SPATA22: variants seen among roughly 807,000 people sequenced by gnomAD.
The protein encoded by SPATA22 is spermatogenesis-associated protein 22.
In SPATA22, 29 loss-of-function variants were observed where a neutral mutation model predicts 47.8. The ratio of observed to expected loss-of-function variants is 0.61; its 90% CI spans 0.45 to 0.83. The LOEUF is 0.83. Ranked by LOEUF, SPATA22 falls within the 40% of genes least tolerant of loss-of-function variation. The pLI, the probability that SPATA22 is intolerant of heterozygous loss-of-function variation, is 0.00. For synonymous variants in SPATA22, 133 were observed against 140.9 expected, an observed-to-expected ratio of 0.94 and a Z score of 0.40; for missense variants, 410 against 421.7, an observed-to-expected ratio of 0.97 and a Z score of 0.24.
At chr17:3,466,468 T>A (rs1385386363) in intron 3 of SPATA22, among the ~76,000 whole-genome samples, 1 of 152,028 alleles carries the variant, frequency 6.6e-6, no homozygotes, top group Non-Finnish European at 1.5e-5. Flanking sequence ...ACTTAAAAGA[T>A]GAGCTGAATC....
At chr17:3,493,560 CAAA>C (rs746229421) in intron 1 of SPATA22, among the ~76,000 whole-genome samples, 1 of 56,382 alleles carries the variant, frequency 1.8e-5, no homozygotes, top group East Asian at 5.6e-4. Flanking sequence ...GGTTCCATCT[CAAA>C]AAAAAAAAAA....
intron 1 of SPATA22, chr17:3,511,535 C>T (rs1317381368): frequency 6.6e-6 from 1 of 152,246 alleles, no homozygotes; most frequent in African/African-American, 2.4e-5. Context: ...TGACTTATGG[C>T]TTCCCTTGGT....
chr17:3,510,805 T>TCA (rs1942354904), intron 1 of SPATA22: 1 of 152,156 alleles, frequency 6.6e-6, no homozygotes, highest in Non-Finnish European at 1.5e-5. Flanking sequence ...GAGCGAAAGG[T>TCA]CACAGGTCAC....
intron 3 of SPATA22, among the ~76,000 whole-genome samples, chr17:3,463,731 C>G (rs568622419): frequency 6.6e-6 from 1 of 152,220 alleles, no homozygotes; most frequent in Non-Finnish European, 1.5e-5. Flanking sequence ...TGTTTCAGCT[C>G]CATTATATTT....
At chr17:3,494,548 A>G in intron 1 of SPATA22, 1 of 1,100,886 alleles carries the variant, frequency 9.1e-7, no homozygotes, top group East Asian at 2.4e-5. Context: ...CTTCGCGTAC[A>G]TTCGCCCATT....
At chr17:3,501,376 C>T (rs2073987663) in intron 1 of SPATA22, 1 of 152,234 alleles carries the variant, frequency 6.6e-6, no homozygotes, top group East Asian at 1.9e-4. Context: ...TCTTGGATGA[C>T]TCTGAGGAAT....
intron 5 of SPATA22, among the ~76,000 whole-genome samples, chr17:3,451,953 A>G (rs909144397): frequency 6.6e-6 from 1 of 150,670 alleles, no homozygotes; most frequent in African/African-American, 2.4e-5. Flanking sequence ...TCTCAATTAA[A>G]AAAAAAAAAA....
At chr17:3,445,949 TATA>T (rs1342536512) in intron 7 of SPATA22, among the ~76,000 whole-genome samples, 6 of 152,138 alleles carry the variant, frequency 3.9e-5, no homozygotes, top group African/African-American at 1.2e-4. Context: ...GTCAGAAGTC[TATA>T]ATGAGTCATC....
In SPATA22 at chr17:3,446,533, A is replaced by G. The variant is rs1462105335; in HGVS notation, c.741T>C (p.Ile247=). 3.7e-5 allele frequency: 59 copies of G among 1,608,994 alleles called. No individual in the cohort carries two copies. The highest frequency in any genetic ancestry group is 4.7e-5 in the Non-Finnish European group (55 of 1,177,394). ...GTTCACGCCAATACTTCATGCTTTC[A>G]ATAACTGCAGAAATAATTCTTAAAG... The part of the protein sequence containing the change: ...ASSLRIISAV[I]ESMKYWREHA... Residue 247 remains isoleucine, a synonymous_variant, in exon 7 of 9, where the codon ATT becomes ATC. Transcript: ENST00000572969.
At position 3,506,972 on chromosome 17, in the gene SPATA22, G is replaced by C. The variant is rs978921913; in HGVS notation, c.-74+6440C>G. Among the ~76,000 whole-genome samples the C allele has an allele frequency of 4.0e-5, 4 of 101,220 alleles. No homozygotes were observed. The Admixed American group carries it at 4.4e-4, about 11-fold the overall frequency. 66.4% of individuals were successfully genotyped at this position (101,220 alleles called of 152,430 possible). A position where few individuals can be genotyped will look rare whatever the true frequency, so the allele number is the denominator to read the frequency against. On this transcript the variant is annotated intron_variant, in intron 1 of 8. Transcript: ENST00000541913. Reference sequence around the variant, plus strand: ...AGAAAAAGAGAGAGAGAGAAAGAGAGAGAGAAGGAAAAGAGAAGGAAGGGA... The same window carrying C: ...AGAAAAAGAGAGAGAGAGAAAGAGACAGAGAAGGAAAAGAGAAGGAAGGGA...
intron 5 of SPATA22, among the ~76,000 whole-genome samples, chr17:3,451,732 A>T (rs1201869566): frequency 6.6e-6 from 1 of 152,058 alleles, no homozygotes; most frequent in Admixed American, 6.6e-5. Flanking sequence ...GCGGATCACA[A>T]GGCCAAGAGA....
upstream of SPATA22, chr17:3,476,164 C>T: frequency 1.2e-6 from 2 of 1,613,418 alleles, no homozygotes; most frequent in Non-Finnish European, 1.7e-6. Flanking sequence ...GGTGAAATGA[C>T]TTCTTGTCAC....
chr17:3,446,396 G>T, intron 7 of SPATA22, 76 bp downstream of exon 7: 1 of 1,433,490 alleles, frequency 7.0e-7, no homozygotes, highest in Non-Finnish European at 9.4e-7. Flanking sequence ...TTATTTGGAA[G>T]AAAAAGGACT....
chr17:3,467,395 C>A, intron 3 of SPATA22, 31 bp downstream of exon 3: 2 of 1,522,650 alleles, frequency 1.3e-6, no homozygotes, highest in Non-Finnish European at 1.8e-6. Context: ...TTTGTATTTC[C>A]TGAAAATTTT....
At chr17:3,491,097 T>C (rs2073816822) in intron 1 of SPATA22, among the ~76,000 whole-genome samples, 2 of 152,220 alleles carry the variant, frequency 1.3e-5, no homozygotes, top group African/African-American at 2.4e-5. Flanking sequence ...TACTCAGAAC[T>C]GTAGTTAGTG....
intron 1 of SPATA22, chr17:3,483,512 C>T: frequency 6.2e-7 from 1 of 1,614,036 alleles, no homozygotes; most frequent in Non-Finnish European, 8.5e-7. Flanking sequence ...TCTCTGGCTC[C>T]ACTACCCTGC....
upstream of SPATA22, chr17:3,471,905 C>G (rs749911341): frequency 1.0e-6 from 1 of 973,032 alleles, no homozygotes; most frequent in Non-Finnish European, 1.2e-6. Context: ...CCTGGCCGCC[C>G]TTGGCCGGGC....
chr17:3,443,097 A>T, intron 8 of SPATA22, 77 bp downstream of exon 8: 2 of 991,556 alleles, frequency 2.0e-6, no homozygotes, highest in Non-Finnish European at 3.0e-6. Context: ...CAGAATTTAT[A>T]TTTCAACTGA....
intron 6 of SPATA22, among the ~76,000 whole-genome samples, chr17:3,447,917 A>G (rs1234421823): frequency 6.6e-6 from 1 of 152,228 alleles, no homozygotes; most frequent in Non-Finnish European, 1.5e-5. Context: ...TGCACTACAT[A>G]GGACAGTTCA....
Sources: gnomAD v4.1 joint callset for allele counts (sites outside exome capture counted in the v4.1 genomes callset) on GRCh38, gnomAD v4.1.1 for gene constraint, MANE v1.5 for transcripts, NCBI Gene and HGNC (gene_info 2026-07-23, HGNC 2026-07-21) for gene names.